Variants in BRAF observed in about 807,000 individuals in gnomAD.
BRAF encodes the protein B-Raf proto-oncogene, serine/threonine kinase, also known as serine/threonine-protein kinase B-raf.
In BRAF, 16 loss-of-function variants were observed where a neutral mutation model predicts 104.6. That is an observed-to-expected ratio of 0.15 (90% confidence interval 0.10 to 0.23). BRAF has a LOEUF of 0.23. Ranked by LOEUF, BRAF falls within the 10% of genes least tolerant of loss-of-function variation. BRAF has a pLI of 1.00. For missense variants in BRAF, 541 were observed against 937.3 expected, an observed-to-expected ratio of 0.58 and a Z score of 5.52; for synonymous variants, 310 against 341.6, an observed-to-expected ratio of 0.91 and a Z score of 1.02.
chr7:140,920,411 A>G (rs1329907282), intron 1 of BRAF, among the ~76,000 whole-genome samples: 1 of 152,182 alleles, frequency 6.6e-6, no homozygotes, highest in African/African-American at 2.4e-5. Flanking sequence ...AGAGGAACCT[A>G]TTCCCTCCCT....
intron 7 of BRAF, chr7:140,799,664 C>A: frequency 4.3e-6 from 1 of 232,918 alleles, no homozygotes; most frequent in East Asian, 6.1e-5. Flanking sequence ...CAAATACCAC[C>A]TTCTTCATTA....
intron 5 of BRAF, 21 bp from the exon 6 acceptor site, chr7:140,801,581 G>C (rs1562966519): frequency 2.5e-6 from 4 of 1,606,900 alleles, no homozygotes; most frequent in Non-Finnish European, 3.4e-6. Context: ...AAAAATCACA[G>C]AGATTTCAAA....
intron 14 of BRAF, among the ~76,000 whole-genome samples, chr7:140,763,221 C>T (rs1210412695): frequency 3.5e-4 from 53 of 152,086 alleles, no homozygotes; most frequent in Non-Finnish European, 5.6e-4. Context: ...GACGAGGCGG[C>T]TGGCCGGGCG....
chr7:140,777,168 G>A (rs2129018799), intron 13 of BRAF, 80 bp from the exon 13 acceptor site: 1 of 1,451,070 alleles, frequency 6.9e-7, no homozygotes, highest in Non-Finnish European at 9.6e-7. Context: ...AAAGTAGTCT[G>A]TCGGTAAAAT....
downstream of BRAF, among the ~76,000 whole-genome samples, chr7:140,718,977 T>G (rs1795200808): frequency 1.3e-5 from 2 of 152,226 alleles, no homozygotes; most frequent in South Asian, 2.1e-4. Context: ...GGTGAGTTTC[T>G]GCAGATAAAC....
intron 1 of BRAF, among the ~76,000 whole-genome samples, chr7:140,893,514 G>C (rs1237099302): frequency 9.9e-5 from 15 of 152,096 alleles, no homozygotes. Flanking sequence ...CTCCCAAAGT[G>C]CTGTGATTAC....
intron 1 of BRAF, among the ~76,000 whole-genome samples, chr7:140,899,807 TCCTGGTGGTG>T (rs370509551): frequency 5.3e-5 from 8 of 152,316 alleles, no homozygotes; most frequent in African/African-American, 1.9e-4. Flanking sequence ...ATCCTCACCC[TCCTGGTGGTG>T]CCTTGTACAA....
intron 2 of BRAF, among the ~76,000 whole-genome samples, chr7:140,841,629 C>A (rs886174482): frequency 6.6e-6 from 1 of 152,082 alleles, no homozygotes; most frequent in East Asian, 1.9e-4. Context: ...GTAAAAGCAG[C>A]CAGTCACAAA....
chr7:140,716,155 A>T (rs1795126007), downstream of BRAF, among the ~76,000 whole-genome samples: 2 of 152,226 alleles, frequency 1.3e-5, no homozygotes, highest in African/African-American at 4.8e-5. Context: ...TGGCCAGTTG[A>T]GACCTCCTAA....
chr7:140,774,857 T>G (rs975092461), intron 14 of BRAF, among the ~76,000 whole-genome samples: 3 of 152,332 alleles, frequency 2.0e-5, no homozygotes, highest in Admixed American at 6.5e-5. Context: ...TGGCATCTCT[T>G]TCTTCTGAAA....
rs1177601767 is a variant in BRAF at position 140,764,568 on chromosome 7, T to C, written c.1815-10335A>G. 6.6e-6 allele frequency among the ~76,000 whole-genome samples: 1 copy of C among 151,888 alleles called. No individual in the cohort carries two copies. The highest frequency in any genetic ancestry group is 1.5e-5 in the Non-Finnish European group (1 of 67,998). Reference sequence around the variant, plus strand: ...AAAACCCCACTGTCTCAGCCCAAAATCTCCTTAAGCTGATAAGCAACTTCA... The same window carrying C: ...AAAACCCCACTGTCTCAGCCCAAAACCTCCTTAAGCTGATAAGCAACTTCA... On this transcript the variant is annotated intron_variant, in intron 14 of 19. Coordinates refer to ENST00000644969, the MANE Select transcript of BRAF (RefSeq NM_001374258.1).
intron 1 of BRAF, among the ~76,000 whole-genome samples, chr7:140,922,547 C>T (rs184758597): frequency 2.6e-5 from 4 of 152,316 alleles, no homozygotes; most frequent in Non-Finnish European, 1.5e-5. Flanking sequence ...AATTTCATAA[C>T]CCCTACTTAT....
At chr7:140,867,278 A>G (rs1037707728) in intron 1 of BRAF, among the ~76,000 whole-genome samples, 1 of 152,240 alleles carries the variant, frequency 6.6e-6, no homozygotes, top group African/African-American at 2.4e-5. Context: ...TGTCTCTATA[A>G]GAAGTAGAAG....
At chr7:140,873,969 G>T (rs1261922559) in intron 1 of BRAF, among the ~76,000 whole-genome samples, 2 of 151,992 alleles carry the variant, frequency 1.3e-5, no homozygotes, top group South Asian at 4.2e-4. Context: ...AGGAAGCCAA[G>T]AATAAAAATA....
At chr7:140,750,876 T>C (rs866794080) in intron 16 of BRAF, among the ~76,000 whole-genome samples, 1 of 152,332 alleles carries the variant, frequency 6.6e-6, no homozygotes, top group East Asian at 1.9e-4. Flanking sequence ...AAGAAATGCA[T>C]GACGAATCTT....
intron 10 of BRAF, among the ~76,000 whole-genome samples, chr7:140,783,805 C>T (rs1267644): frequency 0.099 from 15,073 of 152,142 alleles, 829 homozygotes; most frequent in South Asian, 0.19. Context: ...TAAATAAAGC[C>T]GGGCATATTT....
At chr7:140,797,356 T>G (rs1802597481) in intron 7 of BRAF, among the ~76,000 whole-genome samples, 1 of 152,218 alleles carries the variant, frequency 6.6e-6, no homozygotes. Flanking sequence ...CACTTTGTAT[T>G]CAAAACTGGG....
chr7:140,753,133 C>T lies in BRAF; in HGVS notation c.1980+142G>A, dbSNP rs1797918243. 4 of 662,218 alleles carry T rather than the reference C, an allele frequency of 6.0e-6. No homozygotes were observed. The Admixed American group carries it at 1.0e-4, about 17-fold the overall frequency. The allele number at this position is 662,218 out of a possible 1,614,324, so 41.0% of individuals were successfully genotyped here. ...AGAAAAAAGTTAAAAAATCTATTTA[C>T]ATAAAAAATAAGAACACTGATTTTT... On this transcript the variant is annotated intron_variant, in intron 16 of 19. Coordinates refer to ENST00000644969, the MANE Select transcript of BRAF (RefSeq NM_001374258.1).
intron 1 of BRAF, among the ~76,000 whole-genome samples, chr7:140,867,781 T>C (rs369080213): frequency 1.3e-5 from 2 of 152,198 alleles, no homozygotes; most frequent in Admixed American, 1.3e-4. Flanking sequence ...AAAATTGGTA[T>C]GTGCAACAGA....
Sources: allele counts gnomAD v4.1 joint callset (sites outside exome capture counted in the v4.1 genomes callset), GRCh38; gene constraint gnomAD v4.1.1; transcripts MANE v1.5; gene names NCBI Gene and HGNC (gene_info 2026-07-23, HGNC 2026-07-21).